The following WWOX variants were observed in gnomAD, a reference collection of about 807,000 sequenced individuals.
WWOX encodes the protein WW domain containing oxidoreductase.
Under a neutral mutation model 46.2 loss-of-function variants are expected in WWOX, and 69 were observed. That is an observed-to-expected ratio of 1.49 (90% CI 1.23 to 1.82). The LOEUF is 1.82. WWOX is among the 40% of genes most tolerant of loss of function. The pLI, the probability that WWOX is intolerant of heterozygous loss-of-function variation, is 0.00. For synonymous variants in WWOX, 359 were observed against 202.6 expected, an observed-to-expected ratio of 1.77 and a Z score of -6.56; for missense variants, 919 against 542.6, an observed-to-expected ratio of 1.69 and a Z score of -6.89.
chr16:78,925,693 G>C (rs1270462729), intron 8 of WWOX, among the ~76,000 whole-genome samples: 1 of 152,188 alleles, frequency 6.6e-6, no homozygotes, highest in Non-Finnish European at 1.5e-5. Context: ...GCCAAGATTT[G>C]AGAAGGGAAG....
chr16:78,699,660 A>C (rs572506406), intron 8 of WWOX, among the ~76,000 whole-genome samples: 5 of 152,204 alleles, frequency 3.3e-5, no homozygotes, highest in Non-Finnish European at 7.3e-5. Context: ...GATTTTAAAA[A>C]GGAGAGTCAG....
rs60805816 is a variant in WWOX, at chr16:78,634,705, T to TAAA, written c.1056+201970_1056+201972dup. ...TGGGTGACAGAGCAAGACTCTGTGT[T>TAAA]AAAAAAAAAAAAAAAAAAAGTTCTA... On this transcript the variant is annotated intron_variant, in intron 8 of 8. Transcript: ENST00000566780. Among the ~76,000 whole-genome samples the TAAA allele has an allele frequency of 4.0e-3, 540 of 133,402 alleles. 5 individuals carry two copies. Among genetic ancestry groups the TAAA allele is most frequent in the African/African-American group, 0.014 (512 of 35,320 alleles). 87.5% of individuals were successfully genotyped at this position (133,402 alleles called of 152,430 possible). A position where few individuals can be genotyped will look rare whatever the true frequency, so the allele number is the denominator to read the frequency against.
intron 8 of WWOX, among the ~76,000 whole-genome samples, chr16:79,197,616 A>G (rs1348664739): frequency 6.6e-6 from 1 of 152,186 alleles, no homozygotes; most frequent in Admixed American, 6.5e-5. Flanking sequence ...TCACTGCCAC[A>G]AACAGGTGGT....
At chr16:78,678,274 G>T (rs1420815423) in intron 8 of WWOX, among the ~76,000 whole-genome samples, 1 of 152,212 alleles carries the variant, frequency 6.6e-6, no homozygotes, top group Non-Finnish European at 1.5e-5. Flanking sequence ...TACTCAGGAG[G>T]CTGAGACAGG....
chr16:78,547,891 C>G (rs1385314608), intron 8 of WWOX, among the ~76,000 whole-genome samples: 1 of 152,088 alleles, frequency 6.6e-6, no homozygotes, highest in African/African-American at 2.4e-5. Context: ...GTGGCTCACA[C>G]CTGTAATCCC....
intron 8 of WWOX, among the ~76,000 whole-genome samples, chr16:78,718,964 C>A (rs2048631074): frequency 6.6e-6 from 1 of 150,768 alleles, no homozygotes; most frequent in African/African-American, 2.5e-5. Flanking sequence ...ACTAACCACT[C>A]ATTCACATTT....
At chr16:78,905,239 G>A (rs1037805010) in intron 8 of WWOX, among the ~76,000 whole-genome samples, 8 of 152,088 alleles carry the variant, frequency 5.3e-5, no homozygotes, top group Admixed American at 2.6e-4. Context: ...AGGAGGAGGC[G>A]GAGAAGAAAA....
intron 8 of WWOX, among the ~76,000 whole-genome samples, chr16:78,499,603 GC>G (rs2085008509): frequency 6.6e-6 from 1 of 152,196 alleles, no homozygotes; most frequent in African/African-American, 2.4e-5. Flanking sequence ...CCCTTTGCCG[GC>G]TCTTAGTGTA....
intron 8 of WWOX, among the ~76,000 whole-genome samples, chr16:78,946,234 A>G (rs1472411859): frequency 6.6e-6 from 1 of 152,102 alleles, no homozygotes; most frequent in Non-Finnish European, 1.5e-5. Context: ...TCTGTCGCCC[A>G]GGATGGAGTA....
At chr16:78,349,719 T>A (rs71396173) in intron 5 of WWOX, among the ~76,000 whole-genome samples, 1 of 121,196 alleles carries the variant, frequency 8.3e-6, no homozygotes. Flanking sequence ...TTTCAGTGAT[T>A]GAAATTATGC....
chr16:78,906,314 T>G (rs2044963061), intron 8 of WWOX, among the ~76,000 whole-genome samples: 2 of 152,192 alleles, frequency 1.3e-5, no homozygotes, highest in African/African-American at 4.8e-5. Flanking sequence ...TGGCCTTGAA[T>G]AAGATGACTT....
chr16:78,439,108 T>G (rs1198332979), intron 8 of WWOX, among the ~76,000 whole-genome samples: 1 of 152,206 alleles, frequency 6.6e-6, no homozygotes, highest in Admixed American at 6.5e-5. Context: ...GCCCCCTGTT[T>G]GAATGTGTAT....
chr16:78,767,413 C>T (rs1010925447), intron 8 of WWOX, among the ~76,000 whole-genome samples: 1 of 151,944 alleles, frequency 6.6e-6, no homozygotes, highest in Admixed American at 6.6e-5. Context: ...GAGATGACTG[C>T]GCCACCACAC....
chr16:78,397,767 C>T (rs745364934), intron 6 of WWOX, among the ~76,000 whole-genome samples: 30 of 152,152 alleles, frequency 2.0e-4, no homozygotes, highest in Admixed American at 3.3e-4. Context: ...TCAGGTGATC[C>T]GCCCACCTCA....
At chr16:78,892,887 C>A (rs573430370) in intron 8 of WWOX, among the ~76,000 whole-genome samples, 1 of 152,184 alleles carries the variant, frequency 6.6e-6, no homozygotes. Flanking sequence ...TTGGTATCTC[C>A]TACGCCAAGT....
chr16:78,308,118 T>G (rs1370682961), intron 5 of WWOX, among the ~76,000 whole-genome samples: 1 of 152,124 alleles, frequency 6.6e-6, no homozygotes, highest in Non-Finnish European at 1.5e-5. Flanking sequence ...TCTCTCATGG[T>G]GAGAGCTTTG....
chr16:78,878,942 C>A (rs1257719791), intron 8 of WWOX, among the ~76,000 whole-genome samples: 1 of 148,104 alleles, frequency 6.8e-6, no homozygotes, highest in Non-Finnish European at 1.5e-5. Context: ...TGGTACATGC[C>A]TATAGTCTTA....
intron 8 of WWOX, among the ~76,000 whole-genome samples, chr16:78,515,713 C>T (rs773581255): frequency 1.1e-4 from 17 of 152,190 alleles, no homozygotes; most frequent in Non-Finnish European, 2.1e-4. Context: ...CCAGACTGCG[C>T]GTTGCCCGTT....
At chr16:78,989,654 C>G (rs1345132262) in intron 8 of WWOX, among the ~76,000 whole-genome samples, 2 of 152,088 alleles carry the variant, frequency 1.3e-5, no homozygotes, top group Non-Finnish European at 2.9e-5. Context: ...CCAGTTGGGA[C>G]CCTTTGCAAG....
Sources: allele counts gnomAD v4.1 joint callset (sites outside exome capture counted in the v4.1 genomes callset), GRCh38; gene constraint gnomAD v4.1.1; transcripts MANE v1.5; gene names NCBI Gene and HGNC (gene_info 2026-07-23, HGNC 2026-07-21).